GPC5: variants seen among roughly 807,000 people sequenced by gnomAD.
GPC5 encodes glypican 5.
In GPC5, 47 loss-of-function variants were observed where a neutral mutation model predicts 53.9. That is an observed-to-expected ratio of 0.87 (90% confidence interval 0.69 to 1.11). The LOEUF is 1.11. GPC5 is among the 50% of genes most tolerant of loss of function. The pLI is 0.00. For synonymous variants in GPC5, 286 were observed against 263.3 expected, an observed-to-expected ratio of 1.09 and a Z score of -0.84; for missense variants, 748 against 713.1, an observed-to-expected ratio of 1.05 and a Z score of -0.56.
intron 5 of GPC5, among the ~76,000 whole-genome samples, chr13:91,877,634 T>C (rs553404511): frequency 6.6e-6 from 1 of 152,314 alleles, no homozygotes; most frequent in Non-Finnish European, 1.5e-5. Flanking sequence ...TACAGGCTTA[T>C]AGGTGGAAGG....
chr13:91,984,879 T>C (rs950080261), intron 6 of GPC5, among the ~76,000 whole-genome samples: 3 of 152,222 alleles, frequency 2.0e-5, no homozygotes, highest in South Asian at 2.1e-4. Context: ...TGAGATTTGC[T>C]TTATGGTGTA....
At chr13:91,609,904 A>G (rs1249878484) in intron 2 of GPC5, among the ~76,000 whole-genome samples, 2 of 152,322 alleles carry the variant, frequency 1.3e-5, no homozygotes, top group Non-Finnish European at 2.9e-5. Flanking sequence ...TTGCTAAGGA[A>G]AGGGGGAAGA....
At chr13:91,507,644 G>A (rs1173470335) in intron 2 of GPC5, among the ~76,000 whole-genome samples, 1 of 152,198 alleles carries the variant, frequency 6.6e-6, no homozygotes, top group Non-Finnish European at 1.5e-5. Context: ...TGAGATTTGT[G>A]TGGGGACACA....
chr13:92,210,866 G>A (rs1037960921), intron 7 of GPC5, among the ~76,000 whole-genome samples: 2 of 152,198 alleles, frequency 1.3e-5, no homozygotes, highest in Non-Finnish European at 2.9e-5. Context: ...ACTTTGAGAA[G>A]AGGGCAATGA....
intron 7 of GPC5, among the ~76,000 whole-genome samples, chr13:92,695,285 T>C (rs985654260): frequency 6.6e-6 from 1 of 152,210 alleles, no homozygotes. Context: ...TGGCTTTTGA[T>C]TGTTAATTTA....
chr13:91,972,531 CT>C (rs2040253708), intron 6 of GPC5, among the ~76,000 whole-genome samples: 1 of 152,122 alleles, frequency 6.6e-6, no homozygotes, highest in African/African-American at 2.4e-5. Flanking sequence ...GGTCATTTTG[CT>C]TGTTAGTTGA....
intron 7 of GPC5, among the ~76,000 whole-genome samples, chr13:92,462,438 C>T (rs1338462761): frequency 2.6e-5 from 4 of 152,112 alleles, no homozygotes; most frequent in Non-Finnish European, 5.9e-5. Context: ...CACGTTTTGG[C>T]TTGAGTGACT....
intron 2 of GPC5, among the ~76,000 whole-genome samples, chr13:91,529,890 A>C (rs2138655097): frequency 6.6e-6 from 1 of 152,116 alleles, no homozygotes; most frequent in East Asian, 1.9e-4. Context: ...CTGGGACTTC[A>C]GCTCCTGGCT....
intron 7 of GPC5, among the ~76,000 whole-genome samples, chr13:92,653,714 T>A (rs1010109452): frequency 4.6e-5 from 7 of 152,200 alleles, no homozygotes; most frequent in Non-Finnish European, 1.0e-4. Flanking sequence ...GATGTGTAAT[T>A]TCTGTGGCCT....
At chr13:91,807,969 T>A (rs931597731) in intron 5 of GPC5, among the ~76,000 whole-genome samples, 2 of 152,170 alleles carry the variant, frequency 1.3e-5, no homozygotes, top group African/African-American at 4.8e-5. Flanking sequence ...TGGAGGCAAC[T>A]GTATAGTTCA....
chr13:92,678,182 A>G (rs1221174338), intron 7 of GPC5, among the ~76,000 whole-genome samples: 1 of 152,206 alleles, frequency 6.6e-6, no homozygotes, highest in Non-Finnish European at 1.5e-5. Context: ...TAGGAATACC[A>G]TGGTGAATAA....
chr13:91,981,434 T>C (rs773587154), intron 6 of GPC5, among the ~76,000 whole-genome samples: 115 of 151,970 alleles, frequency 7.6e-4, no homozygotes, highest in Non-Finnish European at 1.4e-3. Flanking sequence ...GGACTACAGG[T>C]GCCCGCCACT....
At chr13:92,787,760 C>CCT (rs1364308327) in intron 7 of GPC5, among the ~76,000 whole-genome samples, 30 of 148,428 alleles carry the variant, frequency 2.0e-4, no homozygotes, top group African/African-American at 7.4e-4. Flanking sequence ...ACTTATAGTC[C>CCT]CAGCTACTTG....
At chr13:91,811,949 G>T (rs1393061154) in intron 5 of GPC5, among the ~76,000 whole-genome samples, 1 of 152,122 alleles carries the variant, frequency 6.6e-6, no homozygotes, top group Admixed American at 6.5e-5. Flanking sequence ...TGCCTACAAC[G>T]TGGAGCTGCA....
intron 1 of GPC5, among the ~76,000 whole-genome samples, chr13:91,420,017 G>T (rs974697143): frequency 1.2e-4 from 19 of 152,128 alleles, no homozygotes; most frequent in Non-Finnish European, 1.5e-4. Flanking sequence ...TTGGGCCTGG[G>T]TTTATCCCAA....
chr13:92,111,179 T>C (rs1247316283), intron 6 of GPC5, among the ~76,000 whole-genome samples: 1 of 152,152 alleles, frequency 6.6e-6, no homozygotes, highest in East Asian at 1.9e-4. Context: ...TTCCTTCCTT[T>C]TCACTCTGCC....
intron 7 of GPC5, among the ~76,000 whole-genome samples, chr13:92,792,864 G>A (rs1876514525): frequency 6.6e-6 from 1 of 152,120 alleles, no homozygotes; most frequent in Non-Finnish European, 1.5e-5. Flanking sequence ...AACCAATACT[G>A]CGGCACCCAG....
intron 7 of GPC5, among the ~76,000 whole-genome samples, chr13:92,643,099 A>G (rs1038946215): frequency 1.6e-3 from 243 of 152,034 alleles, no homozygotes; most frequent in Non-Finnish European, 2.8e-3. Context: ...AATTTGTTTG[A>G]GTTCATTGTA....
intron 7 of GPC5, among the ~76,000 whole-genome samples, chr13:92,762,903 G>GTTT (rs1377867108): frequency 6.6e-6 from 1 of 150,930 alleles, no homozygotes. Flanking sequence ...GAAGCTCTGT[G>GTTT]TTTTATTTTT....
Sources: allele counts gnomAD v4.1 joint callset (sites outside exome capture counted in the v4.1 genomes callset), GRCh38; gene constraint gnomAD v4.1.1; transcripts MANE v1.5; gene names NCBI Gene and HGNC (gene_info 2026-07-23, HGNC 2026-07-21).